PARD3: variants seen among roughly 807,000 people sequenced by gnomAD.
The protein encoded by PARD3 is partitioning defective 3 homolog.
Under a neutral mutation model 155.4 loss-of-function variants are expected in PARD3, and 75 were observed. The ratio of observed to expected loss-of-function variants is 0.48; its 90% CI spans 0.40 to 0.58. The LOEUF is 0.58. PARD3 is among the 20% of genes least tolerant of loss of function. The probability of loss-of-function intolerance (pLI) is 0.00; values close to 1 mark genes in which losing one functional copy is unlikely to be tolerated. For missense variants in PARD3, 1,642 were observed against 1,721.7 expected, an observed-to-expected ratio of 0.95 and a Z score of 0.82; for synonymous variants, 576 against 610.5, an observed-to-expected ratio of 0.94 and a Z score of 0.83.
chr10:34,303,096 T>A (rs1957230789), intron 20 of PARD3, among the ~76,000 whole-genome samples: 1 of 150,022 alleles, frequency 6.7e-6, no homozygotes, highest in Admixed American at 6.6e-5. Context: ...CACCTGCCCA[T>A]CATTAGAAAC....
intron 3 of PARD3, among the ~76,000 whole-genome samples, chr10:34,483,907 A>G (rs922047781): frequency 1.4e-4 from 21 of 152,192 alleles, no homozygotes; most frequent in Non-Finnish European, 2.6e-4. Context: ...AGACATCTTA[A>G]TTAATATATA....
chr10:34,274,369 T>G (rs112047403), intron 21 of PARD3, among the ~76,000 whole-genome samples: 1 of 152,230 alleles, frequency 6.6e-6, no homozygotes, highest in Admixed American at 6.5e-5. Context: ...TAATGGAAGG[T>G]TGACAGGAGT....
At chr10:34,509,328 G>A (rs1215342860) in intron 3 of PARD3, among the ~76,000 whole-genome samples, 1 of 152,014 alleles carries the variant, frequency 6.6e-6, no homozygotes, top group African/African-American at 2.4e-5. Flanking sequence ...TCCCTAAAAA[G>A]GTTCTACGAG....
At chr10:34,218,117 A>G (rs1952096455) in intron 22 of PARD3, among the ~76,000 whole-genome samples, 1 of 152,130 alleles carries the variant, frequency 6.6e-6, no homozygotes, top group African/African-American at 2.4e-5. Context: ...AGGAAGGAAC[A>G]CCATGCACAC....
intron 21 of PARD3, among the ~76,000 whole-genome samples, chr10:34,275,025 AAAG>A (rs1955809158): frequency 6.6e-6 from 1 of 152,156 alleles, no homozygotes; most frequent in Non-Finnish European, 1.5e-5. Context: ...CAATCTCTCA[AAAG>A]AAGTGCTCAG....
chr10:34,199,621 T>C (rs923429589), intron 22 of PARD3, among the ~76,000 whole-genome samples: 7 of 152,220 alleles, frequency 4.6e-5, no homozygotes, highest in Admixed American at 2.6e-4. Context: ...TAAGCAAATC[T>C]GAAAAACCTG....
intron 19 of PARD3, among the ~76,000 whole-genome samples, chr10:34,324,725 G>T (rs1009288654): frequency 6.6e-6 from 1 of 152,154 alleles, no homozygotes; most frequent in Non-Finnish European, 1.5e-5. Context: ...GTGAGATGAT[G>T]ATTCCAAGTT....
At chr10:34,384,101 A>G in intron 8 of PARD3, 28 bp downstream of exon 8, 1 of 1,608,348 alleles carries the variant, frequency 6.2e-7, no homozygotes, top group Non-Finnish European at 8.5e-7. Context: ...TGCAAGTAAG[A>G]ACAGAAGTGC....
chr10:34,303,808 C>A (rs915228868), intron 20 of PARD3, among the ~76,000 whole-genome samples: 1 of 151,986 alleles, frequency 6.6e-6, no homozygotes, highest in African/African-American at 2.4e-5. Flanking sequence ...ACTGACAGGG[C>A]ATGGGCTGAG....
At chr10:34,286,010 A>T (rs1014782933) in intron 20 of PARD3, among the ~76,000 whole-genome samples, 5 of 151,004 alleles carry the variant, frequency 3.3e-5, no homozygotes, top group African/African-American at 7.3e-5. Context: ...CCAGAATCTG[A>T]CCACATTTCA....
At chr10:34,426,456 T>C (rs1289187682) in intron 5 of PARD3, among the ~76,000 whole-genome samples, 2 of 152,138 alleles carry the variant, frequency 1.3e-5, no homozygotes, top group Non-Finnish European at 2.9e-5. Flanking sequence ...TATTTTTTTG[T>C]AGAAAAGAGA....
chr10:34,371,633 T>C lies in PARD3; in HGVS notation c.1707+865A>G, dbSNP rs576551771. On this transcript the variant is annotated intron_variant, in intron 12 of 24. Transcript: ENST00000374788. ...TTTATTATGTTATTTAAATTCATTA[T>C]ATTTTTTCTTTAGTCAACAATGTAA... Among the ~76,000 whole-genome samples the C allele has an allele frequency of 3.4e-4, 52 of 152,006 alleles. 1 individual carries two copies. The South Asian group carries it at 8.5e-3, about 25-fold the overall frequency.
At chr10:34,402,162 AAAC>A (rs1213688837) in intron 5 of PARD3, among the ~76,000 whole-genome samples, 1 of 152,188 alleles carries the variant, frequency 6.6e-6, no homozygotes, top group Admixed American at 6.5e-5. Flanking sequence ...TAAGGAAAGA[AAAC>A]AAAAAAACAA....
intron 5 of PARD3, among the ~76,000 whole-genome samples, chr10:34,429,646 T>C (rs1442377235): frequency 1.3e-5 from 2 of 152,104 alleles, no homozygotes; most frequent in East Asian, 1.9e-4. Flanking sequence ...AGTGCAATGA[T>C]GTGATCTCAG....
intron 2 of PARD3, among the ~76,000 whole-genome samples, chr10:34,556,800 C>T (rs2085037941): frequency 6.6e-6 from 1 of 152,106 alleles, no homozygotes; most frequent in African/African-American, 2.4e-5. Context: ...CCACACAAAC[C>T]GTTTCCTTTC....
intron 8 of PARD3, 24 bp from the exon 9 acceptor site, chr10:34,382,946 A>C: frequency 6.2e-7 from 1 of 1,610,762 alleles, no homozygotes; most frequent in South Asian, 1.1e-5. Context: ...AGAATAGAAA[A>C]TTAGCAAATT....
At chr10:34,263,055 CTAT>C (rs1289094690) in intron 22 of PARD3, among the ~76,000 whole-genome samples, 1 of 152,192 alleles carries the variant, frequency 6.6e-6, no homozygotes, top group Non-Finnish European at 1.5e-5. Context: ...TCCCACACTC[CTAT>C]ATCTATGTTA....
intron 22 of PARD3, among the ~76,000 whole-genome samples, chr10:34,140,619 G>A (rs1444108964): frequency 6.6e-6 from 1 of 152,210 alleles, no homozygotes; most frequent in East Asian, 1.9e-4. Flanking sequence ...ATGAGGAATG[G>A]AGGAAGGGTG....
chr10:34,776,845 G>T (rs1839605881), intron 1 of PARD3, among the ~76,000 whole-genome samples: 1 of 125,808 alleles, frequency 7.9e-6, no homozygotes, highest in Non-Finnish European at 1.7e-5. Flanking sequence ...TGGGGGGGGG[G>T]GGCGGGTGGG....
Sources: allele counts gnomAD v4.1 joint callset (sites outside exome capture counted in the v4.1 genomes callset), GRCh38; gene constraint gnomAD v4.1.1; transcripts MANE v1.5; gene names NCBI Gene and HGNC (gene_info 2026-07-23, HGNC 2026-07-21).